SGPL1: variants seen among roughly 807,000 people sequenced by gnomAD.
The protein encoded by SGPL1 is sphingosine-1-phosphate lyase 1.
SGPL1 carries 37 observed loss-of-function variants against 68.9 expected under a neutral mutation model. The ratio of observed to expected loss-of-function variants is 0.54; its 90% CI spans 0.41 to 0.71. SGPL1 has a LOEUF of 0.71. Ranked by LOEUF, SGPL1 falls within the 30% of genes least tolerant of loss-of-function variation. The pLI is 0.00. For synonymous variants in SGPL1, 236 were observed against 248.5 expected (o/e 0.95, Z 0.47); for missense variants, 551 against 704.6 (o/e 0.78, Z 2.47).
chr10:70,855,083 T>G (rs1399064225), intron 5 of SGPL1, among the ~76,000 whole-genome samples: 1 of 152,226 alleles, frequency 6.6e-6, no homozygotes, highest in African/African-American at 2.4e-5. Flanking sequence ...GGCTTTTATT[T>G]CCTTTTGTAA....
intron 7 of SGPL1, among the ~76,000 whole-genome samples, chr10:70,861,788 C>T (rs2131918423): frequency 6.6e-6 from 1 of 152,342 alleles, no homozygotes; most frequent in South Asian, 2.1e-4. Flanking sequence ...AGCACCCAGC[C>T]AGCAGCTGCG....
chr10:70,843,788 T>G (rs1164767109), intron 2 of SGPL1, among the ~76,000 whole-genome samples: 2 of 152,234 alleles, frequency 1.3e-5, no homozygotes, highest in Non-Finnish European at 1.5e-5. Context: ...AAGCCAAATC[T>G]GGCTCTTGCC....
Position 70,870,413 on chromosome 10 carries a change from G to A in SGPL1, c.810+516G>A, listed in dbSNP as rs1846269779. On this transcript the variant is annotated intron_variant, in intron 9 of 14. Transcript: ENST00000373202. ...TCCTAGCTACTCGGGAGGCTGGGGT[G>A]GGAGGATCACTTGAGCCCCAGGAGG... Among the ~76,000 whole-genome samples the A allele has an allele frequency of 2.0e-5, 3 of 152,028 alleles. No individual in the cohort carries two copies. In the South Asian group the frequency reaches 6.3e-4, roughly 32 times the overall value.
intron 2 of SGPL1, chr10:70,820,201 T>G (rs1845315311): frequency 6.6e-6 from 1 of 152,204 alleles, no homozygotes. Flanking sequence ...ACGAGGCTTA[T>G]AGAGAGTAAC....
At position 70,877,154 on chromosome 10, in the gene SGPL1, A is replaced by G. The variant is rs781163480; in HGVS notation, c.1567-41A>G. 2.5e-6 allele frequency: 4 copies of G among 1,608,820 alleles called. No individual in the cohort carries two copies. The Admixed American group carries it at 5.0e-5, about 20-fold the overall frequency. ...GCTGCAGTTTTATTCTTGCTTTTGG[A>G]CCTGGCCTCACTAATAATGTCTCTT... On this transcript the variant is annotated intron_variant, in intron 14 of 14. Transcript: ENST00000373202.
chr10:70,869,779 C>A lies in SGPL1; in HGVS notation c.705-13C>A. 1.2e-6 allele frequency: 2 copies of A among 1,608,220 alleles called. No individual in the cohort carries two copies. Among genetic ancestry groups the A allele is most frequent in the Non-Finnish European group, 1.7e-6 (2 of 1,175,180 alleles). On this transcript the variant is annotated splice_polypyrimidine_tract_variant and intron_variant, in intron 8 of 14. Transcript: ENST00000373202. The stretch of plus-strand genomic sequence containing the variant: ...GCCTGAGTTACATTATTCTCCTCTT[C>A]CCTGTCATTTAGTGTGGCTCCCCAA...
chr10:70,868,547 T>C (rs1013299926), intron 8 of SGPL1, 114 bp downstream of exon 8: 1 of 823,626 alleles, frequency 1.2e-6, no homozygotes, highest in East Asian at 2.7e-5. Flanking sequence ...CTGGTAATTC[T>C]GGTCCCCTTT....
chr10:70,875,727 A>G (rs1313118449), intron 13 of SGPL1, among the ~76,000 whole-genome samples, 179 bp downstream of exon 13: 1 of 152,226 alleles, frequency 6.6e-6, no homozygotes, highest in African/African-American at 2.4e-5. Flanking sequence ...GAACAAGACC[A>G]TTAGCTTTAA....
intron 3 of SGPL1, 119 bp from the exon 4 acceptor site, chr10:70,851,024 G>A (rs1326848966): frequency 5.4e-6 from 4 of 742,542 alleles, no homozygotes; most frequent in Non-Finnish European, 6.8e-6. Flanking sequence ...TTTTTTAAAC[G>A]AAAGAAACTC....
In SGPL1 at chr10:70,840,519, T is replaced by C. The variant is rs550408659; in HGVS notation, c.28-3954T>C. ...GTGAGTGTTGTGAGTTGCATCTACATTGGGGACTGAGCCTAGGTTGTTTGT... is the reference window on the plus strand; with the variant it reads ...GTGAGTGTTGTGAGTTGCATCTACACTGGGGACTGAGCCTAGGTTGTTTGT... On this transcript the variant is annotated intron_variant, in intron 2 of 14. Coordinates refer to ENST00000373202, the MANE Select transcript of SGPL1 (RefSeq NM_003901.4). Among the ~76,000 whole-genome samples, 11 of 152,130 alleles carry C rather than the reference T, an allele frequency of 7.2e-5. 1 individual carries two copies. The highest frequency in any genetic ancestry group is 5.2e-4 in the Admixed American group (8 of 15,276).
chr10:70,846,219 C>A (rs898252670), intron 3 of SGPL1, among the ~76,000 whole-genome samples: 1 of 152,132 alleles, frequency 6.6e-6, no homozygotes, highest in Non-Finnish European at 1.5e-5. Flanking sequence ...ACTGGCCGGC[C>A]CTTCCGCTGC....
intron 2 of SGPL1, among the ~76,000 whole-genome samples, chr10:70,842,878 CT>C (rs1457554733): frequency 2.0e-5 from 3 of 152,214 alleles, no homozygotes; most frequent in African/African-American, 7.2e-5. Context: ...CTGTCAGCCC[CT>C]GTCCATGTTT....
intron 3 of SGPL1, among the ~76,000 whole-genome samples, chr10:70,847,670 C>A (rs1271302976): frequency 6.6e-6 from 1 of 152,102 alleles, no homozygotes; most frequent in Non-Finnish European, 1.5e-5. Flanking sequence ...TACAATTTAG[C>A]ACATACACAC....
intron 3 of SGPL1, among the ~76,000 whole-genome samples, chr10:70,849,606 C>A (rs1406023133): frequency 6.6e-6 from 1 of 152,140 alleles, no homozygotes; most frequent in East Asian, 1.9e-4. Flanking sequence ...AGGGATGCAG[C>A]TGAAGCAAAA....
chr10:70,862,386 C>T lies in SGPL1; in HGVS notation c.615+2887C>T, dbSNP rs554092468. Among the ~76,000 whole-genome samples the T allele has an allele frequency of 5.9e-5, 9 of 152,172 alleles. No homozygotes were observed. In the East Asian group the frequency reaches 1.7e-3, roughly 30 times the overall value. On this transcript the variant is annotated intron_variant, in intron 7 of 14. Transcript: ENST00000373202. ...TTGTGTCTAGCTCAGGGATTGTAAA[C>T]GCACCAATCAGCGCCCTGACAAAAC... is the stretch of plus-strand genomic sequence containing the variant.
intron 3 of SGPL1, among the ~76,000 whole-genome samples, chr10:70,847,398 C>CT (rs749221861): frequency 6.6e-6 from 1 of 152,184 alleles, no homozygotes; most frequent in Non-Finnish European, 1.5e-5. Flanking sequence ...ATCCGCCCAC[C>CT]TCAACCTCCC....
At chr10:70,872,080 A>C in intron 11 of SGPL1, 94 bp downstream of exon 11, 1 of 1,262,122 alleles carries the variant, frequency 7.9e-7, no homozygotes, top group Non-Finnish European at 1.1e-6. Flanking sequence ...TATAAAATTA[A>C]CTATAGAATT....
chr10:70,816,384 A>G (rs926408953), intron 1 of SGPL1, among the ~76,000 whole-genome samples: 9 of 152,050 alleles, frequency 5.9e-5, no homozygotes, highest in African/African-American at 2.2e-4. Flanking sequence ...ATGGGCGGCC[A>G]GGATTTGCTG....
chr10:70,867,688 G>A (rs934214221), intron 7 of SGPL1, among the ~76,000 whole-genome samples: 48 of 152,036 alleles, frequency 3.2e-4, no homozygotes, highest in Non-Finnish European at 6.0e-4. Flanking sequence ...GAAATAAGAT[G>A]AATAAAAAGA....
Sources: allele counts gnomAD v4.1 joint callset (sites outside exome capture counted in the v4.1 genomes callset), GRCh38; gene constraint gnomAD v4.1.1; transcripts MANE v1.5; gene names NCBI Gene and HGNC (gene_info 2026-07-23, HGNC 2026-07-21).